The following SLC38A10 variants were observed in gnomAD, a reference collection of about 807,000 sequenced individuals.
The protein encoded by SLC38A10 is solute carrier family 38 member 10.
SLC38A10 carries 53 observed loss-of-function variants against 81.0 expected under a neutral mutation model. The ratio of observed to expected loss-of-function variants is 0.65; its 90% CI spans 0.53 to 0.82. The LOEUF is 0.82. Ranked by LOEUF, SLC38A10 falls within the 40% of genes least tolerant of loss-of-function variation. The probability of loss-of-function intolerance (pLI) is 0.00; values close to 1 mark genes in which losing one functional copy is unlikely to be tolerated. For synonymous variants in SLC38A10, 665 were observed against 655.3 expected (o/e 1.01, Z -0.23); for missense variants, 1,471 against 1,545.0 (o/e 0.95, Z 0.80).
chr17:81,256,879 T>G (rs2062977845), intron 11 of SLC38A10, among the ~76,000 whole-genome samples: 1 of 152,230 alleles, frequency 6.6e-6, no homozygotes, highest in South Asian at 2.1e-4. Flanking sequence ...TACCCGGGTG[T>G]CTGGGCTGGC....
rs368735370 is a variant in SLC38A10, at chr17:81,253,983, C to T, written c.1289-743G>A. 2.6e-5 allele frequency among the ~76,000 whole-genome samples: 4 copies of T among 151,574 alleles called. No homozygotes were observed. Among genetic ancestry groups the T allele is most frequent in the Admixed American group, 6.6e-5 (1 of 15,226 alleles). Reference sequence around the variant, plus strand: ...CCACCATCTCCATCCCCACCACCATCGCTGCATCATTGCCACCACCTCCAT... The same window carrying T: ...CCACCATCTCCATCCCCACCACCATTGCTGCATCATTGCCACCACCTCCAT... On this transcript the variant is annotated intron_variant, in intron 11 of 15. Coordinates refer to ENST00000374759, the MANE Select transcript of SLC38A10 (RefSeq NM_001037984.3). This position sits in a 1 kb window ranked among gnomAD's most constrained non-coding sequence, Gnocchi z 4.1.
intron 11 of SLC38A10, among the ~76,000 whole-genome samples, chr17:81,256,180 C>G: frequency 6.6e-6 from 1 of 152,242 alleles, no homozygotes; most frequent in East Asian, 1.9e-4. Context: ...ACGGCGGAGG[C>G]GGATCCCTCA....
chr17:81,292,470 A>C (rs1055528113), intron 1 of SLC38A10, among the ~76,000 whole-genome samples: 5 of 152,134 alleles, frequency 3.3e-5, no homozygotes, highest in East Asian at 1.9e-4. Flanking sequence ...AAAAAAAAAA[A>C]CACTAATCCA....
At chr17:81,250,385 G>A (rs948451651) in intron 14 of SLC38A10, among the ~76,000 whole-genome samples, 2 of 152,252 alleles carry the variant, frequency 1.3e-5, no homozygotes, top group African/African-American at 2.4e-5. Flanking sequence ...CAGCGACTGG[G>A]ACGTGGCTGC....
At chr17:81,254,161 A>G (rs2062951444) in intron 11 of SLC38A10, among the ~76,000 whole-genome samples, 1 of 151,708 alleles carries the variant, frequency 6.6e-6, no homozygotes, top group Admixed American at 6.6e-5. Flanking sequence ...GCCGAGGGGG[A>G]CTCAGGTGAA....
rs866660386 is a variant in SLC38A10, at chr17:81,277,608, G to A, written c.627-475C>T. 2.6e-5 allele frequency among the ~76,000 whole-genome samples: 4 copies of A among 152,354 alleles called. No individual in the cohort carries two copies. The highest frequency in any genetic ancestry group is 6.8e-3 in the Middle Eastern group (2 of 294). On this transcript the variant is annotated intron_variant, in intron 6 of 15. Transcript: ENST00000374759. This position sits in a 1 kb window ranked among gnomAD's most constrained non-coding sequence, Gnocchi z 4.5. ...CACAGACAAGGAGGCGGCCTGGGGC[G>A]CGATTCCCCACTGCAGCCTCTCACT... is the stretch of plus-strand genomic sequence containing the variant.
chr17:81,283,344 C>T lies in SLC38A10; in HGVS notation c.357+65G>A. On this transcript the variant is annotated intron_variant, in intron 4 of 15. Transcript: ENST00000374759. This position sits in a 1 kb window ranked among gnomAD's most constrained non-coding sequence, Gnocchi z 4.7. ...CCCAGGTCTCGGTCCTCGGGAGGAT[C>T]CCACAGAGGGCCTCAGAGCAGCCGT... The T allele has an allele frequency of 6.9e-7, 1 of 1,451,086 alleles. No individual in the cohort carries two copies. The highest frequency in any genetic ancestry group is 2.4e-5 in the East Asian group (1 of 41,390). The allele number at this position is 1,451,086 out of a possible 1,614,324, so 89.9% of individuals were successfully genotyped here. A position where few individuals can be genotyped will look rare whatever the true frequency, so the allele number is the denominator to read the frequency against.
At chr17:81,261,110 C>G (rs1252993958) in intron 10 of SLC38A10, among the ~76,000 whole-genome samples, 1 of 152,250 alleles carries the variant, frequency 6.6e-6, no homozygotes, top group Non-Finnish European at 1.5e-5. Flanking sequence ...GAAGGCTCTC[C>G]CTGTGTGACC....
In SLC38A10 at chr17:81,280,741, G is replaced by A; in HGVS notation, c.502-8C>T. 6.2e-7 allele frequency: 1 copy of A among 1,608,892 alleles called. No individual in the cohort carries two copies. The highest frequency in any genetic ancestry group is 8.5e-7 in the Non-Finnish European group (1 of 1,177,068). ...GAGAGAGGAGAGCACGATCTGCAGAGGGAGAGGGGAGAGAGCACGGGGCAG... is the reference window on the plus strand; with the variant it reads ...GAGAGAGGAGAGCACGATCTGCAGAAGGAGAGGGGAGAGAGCACGGGGCAG... On this transcript the variant is annotated splice_polypyrimidine_tract_variant and splice_region_variant and intron_variant, in intron 5 of 15. Coordinates refer to ENST00000374759, the MANE Select transcript of SLC38A10 (RefSeq NM_001037984.3).
rs748593275 is a variant in SLC38A10 at position 81,245,625 on chromosome 17, C to G, written c.3291G>C (p.Ala1097=). The change falls in exon 16 of 16, where the codon GCG becomes GCC. Residue 1097 remains alanine, a synonymous_variant. Coordinates refer to ENST00000374759, the MANE Select transcript of SLC38A10 (RefSeq NM_001037984.3). ...TGTGGACCACCTGCAGAGCTCCCCC[C>G]GCAGCCTGGCGGAGCTGGGCATCCA... ...GALDAQLRQA[A]GGALQVVHSR... is the part of the protein sequence containing the mutation. 9 of 1,612,166 alleles carry G rather than the reference C, an allele frequency of 5.6e-6. No individual in the cohort carries two copies. The highest frequency in any genetic ancestry group is 6.8e-6 in the Non-Finnish European group (8 of 1,179,774).
chr17:81,245,349 C>T lies in SLC38A10; in HGVS notation c.*207G>A. Reference sequence around the variant, plus strand: ...AGGTCAGAGGACCTCAGACTAAGAGCTGCAACAGAACGACAGCAAGAACAT... The same window carrying T: ...AGGTCAGAGGACCTCAGACTAAGAGTTGCAACAGAACGACAGCAAGAACAT... On this transcript the variant is annotated 3_prime_UTR_variant, in exon 16 of 16. Transcript: ENST00000374759. 1.6e-6 allele frequency: 1 copy of T among 624,430 alleles called. No individual in the cohort carries two copies. Among genetic ancestry groups the T allele is most frequent in the Non-Finnish European group, 2.6e-6 (1 of 381,508 alleles). The allele number at this position is 624,430 out of a possible 1,614,324, so 38.7% of individuals were successfully genotyped here.
intron 10 of SLC38A10, among the ~76,000 whole-genome samples, chr17:81,268,666 A>G (rs2146921308): frequency 6.6e-6 from 1 of 152,316 alleles, no homozygotes; most frequent in Admixed American, 6.5e-5. Flanking sequence ...GAAGAATAGA[A>G]ATGTACCAAC....
At chr17:81,249,758 G>A (rs11656141) in intron 14 of SLC38A10, among the ~76,000 whole-genome samples, 44,191 of 151,976 alleles carry the variant, frequency 0.29, 7,323 homozygotes, top group African/African-American at 0.43. Context: ...TGCAGGCAGC[G>A]TCCCCCCTTG....
intron 11 of SLC38A10, among the ~76,000 whole-genome samples, chr17:81,256,412 G>A (rs67374809): frequency 0.039 from 5,865 of 152,268 alleles, 271 homozygotes; most frequent in African/African-American, 0.11. Flanking sequence ...CGACGCTGCC[G>A]TCCGGACCCC....
In SLC38A10 at chr17:81,276,277, T is replaced by C. The variant is rs1227041506; in HGVS notation, c.730-126A>G. 1.3e-6 allele frequency: 1 copy of C among 798,350 alleles called. No homozygotes were observed. The highest frequency in any genetic ancestry group is 3.0e-5 in the East Asian group (1 of 33,368). The allele number at this position is 798,350 out of a possible 1,614,324, so 49.5% of individuals were successfully genotyped here. A position where few individuals can be genotyped will look rare whatever the true frequency, so the allele number is the denominator to read the frequency against. On this transcript the variant is annotated intron_variant, in intron 7 of 15. Coordinates refer to ENST00000374759, the MANE Select transcript of SLC38A10 (RefSeq NM_001037984.3). This position sits in a 1 kb window ranked among gnomAD's most constrained non-coding sequence, Gnocchi z 4.7. ...CCAGAATGGCCTTCAATCCACTTCA[T>C]AATGAAGCTTCTGCAAGAGATGGCC...
At chr17:81,251,071 C>T (rs904177941) in intron 14 of SLC38A10, 193 of 1,460,966 alleles carry the variant, frequency 1.3e-4, no homozygotes, top group Non-Finnish European at 1.7e-4. Flanking sequence ...CCTTGGGGCA[C>T]AGCCTTAAAA....
In SLC38A10 at chr17:81,277,528, G is replaced by A. The variant is rs116846473; in HGVS notation, c.627-395C>T. 9.8e-5 allele frequency among the ~76,000 whole-genome samples: 15 copies of A among 152,366 alleles called. 1 individual carries two copies. The East Asian group carries it at 2.1e-3, about 22-fold the overall frequency. On this transcript the variant is annotated intron_variant, in intron 6 of 15. Transcript: ENST00000374759. The surrounding 1 kb of genome is among the most constrained non-coding windows in gnomAD (Gnocchi z 4.5). ...CAAACACACCCTGGCCTGGGCGGCCGGCCCATCTCGGCGCCTCCATCTCGG... is the reference window on the plus strand; with the variant it reads ...CAAACACACCCTGGCCTGGGCGGCCAGCCCATCTCGGCGCCTCCATCTCGG...
At chr17:81,272,267 G>T (rs8081979) in intron 9 of SLC38A10, among the ~76,000 whole-genome samples, 2 of 151,952 alleles carry the variant, frequency 1.3e-5, no homozygotes, top group African/African-American at 4.8e-5. Context: ...CCCAACCTCA[G>T]GTGATCCACC....
chr17:81,295,037 G>C lies in SLC38A10; in HGVS notation c.-116C>G. The C allele has an allele frequency of 1.5e-6, 2 of 1,363,240 alleles. No individual in the cohort carries two copies. Among genetic ancestry groups the C allele is most frequent in the South Asian group, 3.3e-5 (2 of 61,102 alleles). 84.4% of individuals were successfully genotyped at this position (1,363,240 alleles called of 1,614,324 possible). On this transcript the variant is annotated 5_prime_UTR_variant, in exon 1 of 16. Transcript: ENST00000374759. ...GGTCCCAACGTCCGGGACGCCGGTGGGGAGGGGATGGGCAGCCTGAACACG... is the reference window on the plus strand; with the variant it reads ...GGTCCCAACGTCCGGGACGCCGGTGCGGAGGGGATGGGCAGCCTGAACACG...
Sources: allele counts gnomAD v4.1 joint callset (sites outside exome capture counted in the v4.1 genomes callset), GRCh38; gene constraint gnomAD v4.1.1; non-coding constraint Gnocchi (gnomAD v3.1); transcripts MANE v1.5; gene names NCBI Gene and HGNC (gene_info 2026-07-23, HGNC 2026-07-21).